The following DNAJB6 variants were observed in gnomAD, a reference collection of about 807,000 sequenced individuals.
DNAJB6 encodes the protein dnaJ homolog subfamily B member 6.
A neutral mutation model predicts 42.7 loss-of-function variants in DNAJB6; 16 were observed. The observed-to-expected ratio is 0.37, with a 90% CI of 0.25 to 0.57. DNAJB6 has a LOEUF of 0.57. Ranked by LOEUF, DNAJB6 falls within the 20% of genes least tolerant of loss-of-function variation. The probability of loss-of-function intolerance (pLI) is 0.74; values close to 1 mark genes in which losing one functional copy is unlikely to be tolerated. For synonymous variants in DNAJB6, 170 were observed against 163.5 expected, an observed-to-expected ratio of 1.04 and a Z score of -0.30; for missense variants, 347 against 416.8, an observed-to-expected ratio of 0.83 and a Z score of 1.46.
chr7:157,357,426 T>C (rs768711484), intron 1 of DNAJB6, among the ~76,000 whole-genome samples: 1 of 150,242 alleles, frequency 6.7e-6, no homozygotes, highest in Non-Finnish European at 1.5e-5. Context: ...GCAATTCTGC[T>C]TCAGCCTCCC....
At chr7:157,388,674 C>G (rs1801200539) in intron 8 of DNAJB6, among the ~76,000 whole-genome samples, 3 of 150,918 alleles carry the variant, frequency 2.0e-5, no homozygotes, top group Admixed American at 6.6e-5. Context: ...GACGTAGATG[C>G]ATTATATAGT....
intron 5 of DNAJB6, among the ~76,000 whole-genome samples, chr7:157,370,209 G>GGCCCCTTCTTAACATTATTATTAAAC (rs1475696347): frequency 1.0e-4 from 10 of 100,290 alleles, no homozygotes; most frequent in Non-Finnish European, 2.3e-4. Context: ...TATTATTAAA[G>GGCCCCTTCTTAACATTATTATTAAAC]AGGCCCTTTC....
chr7:157,382,284 C>T lies in DNAJB6; in HGVS notation c.385C>T (p.Pro129Ser). The T allele has an allele frequency of 6.2e-7, 1 of 1,611,552 alleles. No homozygotes were observed. The highest frequency in any genetic ancestry group is 8.5e-7 in the Non-Finnish European group (1 of 1,179,380). ...FEDFFGNRRG[P>S]RGSRSRGTGS... is the part of the protein sequence containing the mutation. ...GGACTTCTTTGGGAATCGAAGGGGT[C>T]CCCGAGGAAGCAGAAGCCGAGGGAC... Residue 129 changes from proline to serine, a missense_variant, in exon 6 of 10, where the codon CCC (proline) becomes TCC (serine). Physicochemically the swap from Pro to Ser is moderately conservative, Grantham distance 74. This residue lies in a region of DNAJB6 where 264 missense variants were observed against 288.0 expected (regional missense o/e 0.92). Coordinates refer to ENST00000262177, the MANE Select transcript of DNAJB6 (RefSeq NM_058246.4).
intron 8 of DNAJB6, among the ~76,000 whole-genome samples, chr7:157,397,651 G>A (rs569005490): frequency 2.0e-5 from 3 of 152,350 alleles, no homozygotes; most frequent in African/African-American, 4.8e-5. Context: ...TCCCCGTGCC[G>A]TCAGCCAGTG....
chr7:157,393,964 C>T (rs776210478), intron 8 of DNAJB6, among the ~76,000 whole-genome samples: 3 of 152,160 alleles, frequency 2.0e-5, no homozygotes, highest in Non-Finnish European at 4.4e-5. Context: ...TGTGATCATG[C>T]GCCTTTCTCA....
intron 1 of DNAJB6, among the ~76,000 whole-genome samples, chr7:157,346,092 G>T (rs922545527): frequency 6.6e-6 from 1 of 152,008 alleles, no homozygotes; most frequent in Non-Finnish European, 1.5e-5. Context: ...CACGGGCCAG[G>T]AGAAGAGGGA....
chr7:157,401,909 C>T (rs1795535676), intron 8 of DNAJB6, among the ~76,000 whole-genome samples: 1 of 152,174 alleles, frequency 6.6e-6, no homozygotes, highest in Non-Finnish European at 1.5e-5. Flanking sequence ...GTTGCAGAGG[C>T]CGGCTCTTCC....
intron 2 of DNAJB6, 25 bp from the exon 3 acceptor site, chr7:157,363,136 A>G (rs148133541): frequency 6.8e-7 from 1 of 1,475,306 alleles, no homozygotes; most frequent in Non-Finnish European, 9.4e-7. Context: ...TTAGAATGTG[A>G]TCTATATCCT....
chr7:157,359,013 C>G (rs1039634423), intron 2 of DNAJB6, among the ~76,000 whole-genome samples: 2 of 152,174 alleles, frequency 1.3e-5, no homozygotes, highest in East Asian at 3.8e-4. Context: ...TGGGCTCCGG[C>G]CTATGCCACT....
intron 5 of DNAJB6, among the ~76,000 whole-genome samples, chr7:157,369,685 AAC>A: frequency 6.6e-6 from 1 of 151,498 alleles, no homozygotes; most frequent in South Asian, 2.1e-4. Flanking sequence ...ATTATTATTA[AAC>A]AGGCCTTTCA....
intron 1 of DNAJB6, among the ~76,000 whole-genome samples, chr7:157,350,629 G>A (rs1798920511): frequency 6.6e-6 from 1 of 152,084 alleles, no homozygotes; most frequent in African/African-American, 2.4e-5. Context: ...CCTTTAATAA[G>A]AATTTGAGGA....
chr7:157,371,143 T>C (rs1800189448), intron 5 of DNAJB6, among the ~76,000 whole-genome samples: 1 of 152,272 alleles, frequency 6.6e-6, no homozygotes, highest in African/African-American at 2.4e-5. Flanking sequence ...GAATCCAGTA[T>C]CTGAAACCAT....
At chr7:157,354,528 G>C (rs1799173446) in intron 1 of DNAJB6, among the ~76,000 whole-genome samples, 1 of 151,786 alleles carries the variant, frequency 6.6e-6, no homozygotes. Flanking sequence ...CCCCAAGCTG[G>C]AGTGCTGTGG....
chr7:157,409,916 C>T lies in DNAJB6; in HGVS notation c.813C>T (p.His271=), dbSNP rs1238123023. 7.2e-6 allele frequency: 11 copies of T among 1,535,446 alleles called. No individual in the cohort carries two copies. In the East Asian group the frequency reaches 9.8e-5, roughly 14 times the overall value. ...KPPRPASLLR[H]APHCLSEEEG... is the part of the protein sequence containing the mutation. ...CCCGGCCTGCCTCGCTGCTGAGACA[C>T]GCGCCTCACTGTCTCTCTGAGGAGG... Residue 271 remains histidine (H), a synonymous_variant, in exon 9 of 10, where the codon CAC becomes CAT. Transcript: ENST00000262177.
At position 157,344,512 on chromosome 7, in the gene DNAJB6, C is replaced by CA. The variant is rs879823551; in HGVS notation, c.-27+7382dup. Among the ~76,000 whole-genome samples the CA allele has an allele frequency of 6.2e-3, 820 of 132,952 alleles. 5 individuals are homozygous for CA. Among genetic ancestry groups the CA allele is most frequent in the African/African-American group, 0.018 (638 of 36,296 alleles). 87.2% of individuals were successfully genotyped at this position (132,952 alleles called of 152,430 possible). A position where few individuals can be genotyped will look rare whatever the true frequency, so the allele number is the denominator to read the frequency against. ...TGGGCAACAGAGTGAGACTCAAACT[C>CA]AAAAAAAAAAAAAAGTTAATTTTGT... is the stretch of plus-strand genomic sequence containing the variant. On this transcript the variant is annotated intron_variant, in intron 1 of 9. Transcript: ENST00000262177.
At chr7:157,401,046 G>A (rs1380125118) in intron 8 of DNAJB6, among the ~76,000 whole-genome samples, 2 of 152,090 alleles carry the variant, frequency 1.3e-5, no homozygotes, top group African/African-American at 2.4e-5. Flanking sequence ...CCGAAGCCCC[G>A]GGTTTTGATG....
chr7:157,361,342 A>G (rs1051409407), intron 2 of DNAJB6, among the ~76,000 whole-genome samples: 39 of 152,272 alleles, frequency 2.6e-4, no homozygotes, highest in African/African-American at 9.4e-4. Context: ...TATTTTTAAT[A>G]GAGACGGGGT....
intron 6 of DNAJB6, 81 bp from the exon 7 acceptor site, chr7:157,384,786 C>A: frequency 7.3e-7 from 1 of 1,362,010 alleles, no homozygotes. Flanking sequence ...AAATATTCTG[C>A]TACTGAACTT....
At chr7:157,403,350 A>G (rs1200964943) in intron 8 of DNAJB6, among the ~76,000 whole-genome samples, 1 of 152,224 alleles carries the variant, frequency 6.6e-6, no homozygotes, top group East Asian at 1.9e-4. Context: ...GCACCTGTGA[A>G]GATAAGCTGT....
Sources: allele counts gnomAD v4.1 joint callset (sites outside exome capture counted in the v4.1 genomes callset), GRCh38; gene constraint gnomAD v4.1.1; regional missense constraint gnomAD v4.1.1; transcripts MANE v1.5; gene names NCBI Gene and HGNC (gene_info 2026-07-23, HGNC 2026-07-21).